HMCN2: variants seen among roughly 807,000 people sequenced by gnomAD.
HMCN2 encodes the protein hemicentin-2.
Under a neutral mutation model 377.5 loss-of-function variants are expected in HMCN2, and 325 were observed. That is an observed-to-expected ratio of 0.86 (90% CI 0.79 to 0.94). The LOEUF (loss-of-function observed/expected upper bound fraction) is 0.94, where lower values mean the gene tolerates loss of function less well. Ranked by LOEUF, HMCN2 falls within the 40% of genes least tolerant of loss-of-function variation. The probability of loss-of-function intolerance (pLI) is 0.00; values close to 1 mark genes in which losing one functional copy is unlikely to be tolerated. For missense variants in HMCN2, 4,543 were observed against 4,725.3 expected, an observed-to-expected ratio of 0.96 and a Z score of 1.13; for synonymous variants, 2,007 against 2,046.8, an observed-to-expected ratio of 0.98 and a Z score of 0.53.
Position 130,363,391 on chromosome 9 carries a change from GAGA to G in HMCN2, c.6232+406_6232+408del, listed in dbSNP as rs1305467003. Among the ~76,000 whole-genome samples, 14 of 152,316 alleles carry G rather than the reference GAGA, an allele frequency of 9.2e-5. No homozygotes were observed. In the South Asian group the frequency reaches 2.9e-3, roughly 32 times the overall value. ...GCCACCATTTCTTCATCTGCAAAAT[GAGA>G]AGAATAGCACTCACCTCAAAGGTCA... is the stretch of plus-strand genomic sequence containing the variant. On this transcript the variant is annotated intron_variant, in intron 40 of 97. Transcript: ENST00000683500.
At chr9:130,291,607 G>A (rs1835770136) in intron 4 of HMCN2, among the ~76,000 whole-genome samples, 2 of 152,280 alleles carry the variant, frequency 1.3e-5, no homozygotes, top group African/African-American at 4.8e-5. Context: ...CTACCAACTA[G>A]ATTCAACAAT....
chr9:130,369,610 A>C lies in HMCN2; in HGVS notation c.6828A>C (p.Gln2276His). 1.0e-6 allele frequency: 1 copy of C among 985,744 alleles called. No individual in the cohort carries two copies. Among genetic ancestry groups the C allele is most frequent in the Non-Finnish European group, 1.2e-6 (1 of 829,912 alleles). The allele number at this position is 985,744 out of a possible 1,614,324, so 61.1% of individuals were successfully genotyped here. Residue 2276 changes from glutamine (Q) to histidine (H), a missense_variant, in exon 45 of 98, where the codon CAA becomes CAC. By Grantham distance (24) the Gln-to-His change is conservative (BLOSUM62 0). This residue lies in a region of HMCN2 where 1,032 missense variants were observed against 1,285.1 expected (regional missense o/e 0.80). Transcript: ENST00000683500. The surrounding 1 kb of genome is among the most constrained non-coding windows in gnomAD (Gnocchi z 4.5). ...QIAGPREPPTQVSVVQDGVAT... is the reference protein window; with the variant it reads ...QIAGPREPPTHVSVVQDGVAT... ...CCGGTCCCCGGGAGCCTCCCACACA[A>C]GTCTCTGTGGTCCAGGATGGAGTGG...
At chr9:130,292,966 C>G (rs1835868576) in intron 4 of HMCN2, among the ~76,000 whole-genome samples, 1 of 125,606 alleles carries the variant, frequency 8.0e-6, no homozygotes, top group Non-Finnish European at 1.8e-5. Context: ...CTCTATCTAT[C>G]TATCTATCTA....
At chr9:130,345,356 G>C (rs1839327129) in intron 25 of HMCN2, among the ~76,000 whole-genome samples, 1 of 145,814 alleles carries the variant, frequency 6.9e-6, no homozygotes, top group South Asian at 2.2e-4. Flanking sequence ...GGTGTGTGGT[G>C]TGTATGTGGT....
chr9:130,274,162 C>T (rs1207645345), intron 1 of HMCN2, among the ~76,000 whole-genome samples: 3 of 151,900 alleles, frequency 2.0e-5, no homozygotes, highest in Non-Finnish European at 4.4e-5. Flanking sequence ...AAGCAATTCT[C>T]CTGTCTCAGC....
chr9:130,416,111 T>TAA (rs1843681940), intron 85 of HMCN2, among the ~76,000 whole-genome samples: 1 of 148,898 alleles, frequency 6.7e-6, no homozygotes, highest in Non-Finnish European at 1.5e-5. Flanking sequence ...TTTTTTTTTT[T>TAA]TTTTTTTTTT....
At chr9:130,403,121 C>A in intron 78 of HMCN2, 73 bp from the exon 79 acceptor site, 1 of 1,226,282 alleles carries the variant, frequency 8.2e-7, no homozygotes, top group Non-Finnish European at 1.1e-6. Flanking sequence ...CTCTCTGATG[C>A]TCCGAGGCCC....
chr9:130,329,486 AGG>A (rs1838308363), intron 22 of HMCN2, among the ~76,000 whole-genome samples: 3 of 132,576 alleles, frequency 2.3e-5, no homozygotes, highest in Admixed American at 9.2e-5. Flanking sequence ...CTCTGTTGCC[AGG>A]CTGGAGTGCA....
chr9:130,277,243 G>T (rs962886942), intron 1 of HMCN2, among the ~76,000 whole-genome samples: 4 of 152,262 alleles, frequency 2.6e-5, no homozygotes, highest in Non-Finnish European at 4.4e-5. Flanking sequence ...CATGCTGGAA[G>T]AGGGCTTGAG....
At chr9:130,411,912 GT>G (rs1228143143) in intron 85 of HMCN2, among the ~76,000 whole-genome samples, 1 of 151,966 alleles carries the variant, frequency 6.6e-6, no homozygotes, top group Non-Finnish European at 1.5e-5. Context: ...CTACTGAAGT[GT>G]ACACTTACAA....
At chr9:130,328,481 TAA>T in intron 22 of HMCN2, among the ~76,000 whole-genome samples, 1 of 152,320 alleles carries the variant, frequency 6.6e-6, no homozygotes, top group East Asian at 1.9e-4. Context: ...CGTGGTGCGT[TAA>T]TAGGTCAGCT....
At position 130,354,267 on chromosome 9, in the gene HMCN2, A is replaced by G. The variant is rs1007778175; in HGVS notation, c.4865-496A>G. 1.3e-4 allele frequency among the ~76,000 whole-genome samples: 20 copies of G among 152,246 alleles called. 1 individual carries two copies. Among genetic ancestry groups the G allele is most frequent in the Admixed American group, 1.2e-3 (18 of 15,302 alleles). On this transcript the variant is annotated intron_variant, in intron 31 of 97. Coordinates refer to ENST00000683500, the MANE Select transcript of HMCN2 (RefSeq NM_001291815.2). Reference sequence around the variant, plus strand: ...CTTTGGCGTGGCCACCATGGGCTCCAAGCATAGTTAACATCTGGTCCCCTT... The same window carrying G: ...CTTTGGCGTGGCCACCATGGGCTCCGAGCATAGTTAACATCTGGTCCCCTT...
chr9:130,326,577 A>T (rs1379475725), intron 21 of HMCN2, among the ~76,000 whole-genome samples: 1 of 150,804 alleles, frequency 6.6e-6, no homozygotes, highest in Non-Finnish European at 1.5e-5. Context: ...CAATATTTTT[A>T]TATTGTAAAA....
intron 75 of HMCN2, 101 bp downstream of exon 75, chr9:130,398,808 A>T: frequency 1.8e-5 from 19 of 1,045,862 alleles, no homozygotes; most frequent in Non-Finnish European, 2.4e-5. Flanking sequence ...GGGTGTGCTC[A>T]GGTCTCACCG....
chr9:130,377,730 G>T lies in HMCN2; in HGVS notation c.8143G>T (p.Gly2715Trp), dbSNP rs1032617180. The T allele has an allele frequency of 2.0e-6, 2 of 985,808 alleles. No individual in the cohort carries two copies. The highest frequency in any genetic ancestry group is 3.5e-5 in the African/African-American group (2 of 57,250). The allele number at this position is 985,808 out of a possible 1,614,324, so 61.1% of individuals were successfully genotyped here. A position where few individuals can be genotyped will look rare whatever the true frequency, so the allele number is the denominator to read the frequency against. ...CCAGCCCACACAGGTCTCAGACTCG[G>T]GGCGGTACCTGTGTGTGGCCACCAA... Reference protein sequence around the residue: ...QIQPTQVSDSGRYLCVATNVA... With the variant: ...QIQPTQVSDSWRYLCVATNVA... The change falls in exon 53 of 98, where the codon GGG (glycine) becomes TGG (tryptophan). Residue 2715 changes from glycine (G) to tryptophan (W), a missense_variant. Gly to Trp is a radical substitution (Grantham distance 184, BLOSUM62 -2). Coordinates refer to ENST00000683500, the MANE Select transcript of HMCN2 (RefSeq NM_001291815.2).
In HMCN2 at chr9:130,308,504, C is replaced by G. The variant is rs782157112; in HGVS notation, c.2200+938C>G. Among the ~76,000 whole-genome samples, 10 of 152,130 alleles carry G rather than the reference C, an allele frequency of 6.6e-5. No individual in the cohort carries two copies. Among genetic ancestry groups the G allele is most frequent in the Non-Finnish European group, 1.5e-4 (10 of 68,018 alleles). ...GCTGGGCTCCCTCTCGAGGGTCAAC[C>G]GGGGTCAGCAATACTGTCCCCTCCC... On this transcript the variant is annotated intron_variant, in intron 14 of 97. Coordinates refer to ENST00000683500, the MANE Select transcript of HMCN2 (RefSeq NM_001291815.2). This position sits in a 1 kb window ranked among gnomAD's most constrained non-coding sequence, Gnocchi z 4.1.
chr9:130,317,447 G>T (rs1409442673), intron 15 of HMCN2, among the ~76,000 whole-genome samples: 1 of 147,406 alleles, frequency 6.8e-6, no homozygotes, highest in African/African-American at 2.5e-5. Context: ...CTCCAGCCTA[G>T]ATGATAGCGA....
intron 22 of HMCN2, among the ~76,000 whole-genome samples, chr9:130,331,183 C>T (rs1372442813): frequency 6.7e-6 from 1 of 148,998 alleles, no homozygotes; most frequent in African/African-American, 2.5e-5. Context: ...GACAAAGTAA[C>T]ATTCCAGGGC....
intron 40 of HMCN2, among the ~76,000 whole-genome samples, chr9:130,363,269 G>A (rs185577875): frequency 5.4e-4 from 82 of 152,346 alleles, no homozygotes; most frequent in African/African-American, 1.8e-3. Flanking sequence ...CAGGAACAGC[G>A]TGGAGTGGTG....
Sources: gnomAD v4.1 joint callset for allele counts (sites outside exome capture counted in the v4.1 genomes callset) on GRCh38, gnomAD v4.1.1 for gene constraint, gnomAD v4.1.1 regional missense constraint, Gnocchi (gnomAD v3.1) non-coding constraint, MANE v1.5 for transcripts, NCBI Gene and HGNC (gene_info 2026-07-23, HGNC 2026-07-21) for gene names.